STX8: variants seen among roughly 807,000 people sequenced by gnomAD.
STX8 encodes syntaxin 8, also known as syntaxin-8.
STX8 carries 23 observed loss-of-function variants against 37.5 expected under a neutral mutation model. The ratio of observed to expected loss-of-function variants is 0.61; its 90% CI spans 0.44 to 0.87. STX8 has a LOEUF of 0.87. Among genes scored for constraint, STX8 ranks in the 40% least tolerant of loss-of-function variants. STX8 has a pLI of 0.00. For missense variants in STX8, 313 were observed against 284.7 expected, an observed-to-expected ratio of 1.10 and a Z score of -0.71; for synonymous variants, 115 against 99.1, an observed-to-expected ratio of 1.16 and a Z score of -0.95.
intron 7 of STX8, among the ~76,000 whole-genome samples, chr17:9,279,824 A>G (rs1907815050): frequency 6.6e-6 from 1 of 152,244 alleles, no homozygotes; most frequent in Non-Finnish European, 1.5e-5. Context: ...TAATGAGAAC[A>G]CCTAACGTGG....
Position 9,297,281 on chromosome 17 carries a change from C to T in STX8, c.644-46636G>A, listed in dbSNP as rs117523213. Among the ~76,000 whole-genome samples, 100 of 151,838 alleles carry T rather than the reference C, an allele frequency of 6.6e-4. 2 individuals are homozygous for T. The East Asian group carries it at 0.018, about 27-fold the overall frequency. Reference sequence around the variant, plus strand: ...AAGAAAAAAAAAGAAAAAGTGAATCCTGCTCCTAATGTGGTTTAGTGAGTA... The same window carrying T: ...AAGAAAAAAAAAGAAAAAGTGAATCTTGCTCCTAATGTGGTTTAGTGAGTA... On this transcript the variant is annotated intron_variant, in intron 7 of 7. Transcript: ENST00000306357.
chr17:9,411,366 G>A (rs567093227), intron 6 of STX8, among the ~76,000 whole-genome samples: 2 of 152,294 alleles, frequency 1.3e-5, no homozygotes, highest in South Asian at 4.1e-4. Flanking sequence ...CTTGCAAAGT[G>A]TCTTATTTTT....
chr17:9,492,318 T>A lies in STX8; in HGVS notation c.449-397A>T, dbSNP rs539693157. On this transcript the variant is annotated intron_variant, in intron 5 of 7. Transcript: ENST00000306357. ...AGTTTTAACATCGCTACTAATTTTTTTAAAAATACAAATAAAAAACTACTT... is the reference window on the plus strand; with the variant it reads ...AGTTTTAACATCGCTACTAATTTTTATAAAAATACAAATAAAAAACTACTT... Among the ~76,000 whole-genome samples the A allele has an allele frequency of 7.0e-4, 107 of 152,276 alleles. 2 individuals are homozygous for A. Among genetic ancestry groups the A allele is most frequent in the Non-Finnish European group, 1.2e-4 (8 of 68,010 alleles).
intron 4 of STX8, among the ~76,000 whole-genome samples, chr17:9,538,923 C>T (rs1354642816): frequency 2.0e-5 from 3 of 151,840 alleles, no homozygotes; most frequent in Non-Finnish European, 2.9e-5. Flanking sequence ...GCAATGCTCT[C>T]GAATATAAAG....
chr17:9,438,957 A>C (rs573760646), intron 6 of STX8, among the ~76,000 whole-genome samples: 1 of 152,146 alleles, frequency 6.6e-6, no homozygotes, highest in South Asian at 2.1e-4. Context: ...AACAAAAAAA[A>C]CCATAGTCAA....
Position 9,545,239 on chromosome 17 carries a change from G to T in STX8, c.256C>A (p.Leu86Ile). The T allele has an allele frequency of 6.2e-6, 10 of 1,614,140 alleles. No individual in the cohort carries two copies. The highest frequency in any genetic ancestry group is 8.5e-6 in the Non-Finnish European group (10 of 1,180,024). Residue 86 changes from leucine (L) to isoleucine (I), a missense_variant, in exon 4 of 8, where the codon CTT becomes ATT. Transcript: ENST00000306357. The part of the protein sequence containing the change: ...GDRRQNLLDD[L>I]VTRERLLLAS... ...AGAAGTAGTCTCTCTCGAGTTACAA[G>T]ATCATCCAAGAGGTTCTGTCTTCGG...
Position 9,300,160 on chromosome 17 carries a change from C to T in STX8, c.644-49515G>A, listed in dbSNP as rs922406715. On this transcript the variant is annotated intron_variant, in intron 7 of 7. Coordinates refer to ENST00000306357, the MANE Select transcript of STX8 (RefSeq NM_004853.3). ...CAGCCTGACCAACATGGTGAAACCT[C>T]GTCTCTACTGAAAATACAAAATTAG... Among the ~76,000 whole-genome samples, 12 of 151,890 alleles carry T rather than the reference C, an allele frequency of 7.9e-5. No homozygotes were observed. The South Asian group carries it at 8.3e-4, about 11-fold the overall frequency.
At chr17:9,546,585 A>G (rs1336353742) in intron 3 of STX8, among the ~76,000 whole-genome samples, 2 of 93,818 alleles carry the variant, frequency 2.1e-5, no homozygotes, top group East Asian at 5.8e-4. Context: ...GCAAACTACA[A>G]AAGTGGTTTT....
chr17:9,470,870 G>C (rs1040569923), intron 6 of STX8, among the ~76,000 whole-genome samples: 7 of 148,068 alleles, frequency 4.7e-5, no homozygotes, highest in Non-Finnish European at 8.9e-5. Context: ...GGGACTACAG[G>C]TGCCCGCCAC....
chr17:9,299,470 G>A (rs1345272142), intron 7 of STX8, among the ~76,000 whole-genome samples: 1 of 131,854 alleles, frequency 7.6e-6, no homozygotes, highest in Non-Finnish European at 1.5e-5. Flanking sequence ...TGAGACAAGA[G>A]TCTCACTCTG....
intron 6 of STX8, among the ~76,000 whole-genome samples, chr17:9,435,809 G>A (rs1009742788): frequency 6.6e-6 from 1 of 152,040 alleles, no homozygotes; most frequent in Non-Finnish European, 1.5e-5. Flanking sequence ...TAACATATAT[G>A]TTAACTATCT....
intron 6 of STX8, among the ~76,000 whole-genome samples, chr17:9,485,063 A>T (rs2142462218): frequency 6.6e-6 from 1 of 152,294 alleles, no homozygotes; most frequent in Middle Eastern, 3.4e-3. Flanking sequence ...CTGAAGCAGG[A>T]AGACTGCTTA....
At chr17:9,528,530 G>C (rs532401184) in intron 4 of STX8, among the ~76,000 whole-genome samples, 1 of 152,084 alleles carries the variant, frequency 6.6e-6, no homozygotes, top group Admixed American at 6.6e-5. Flanking sequence ...GGCTGGTCTC[G>C]ATCTCCTGAC....
chr17:9,478,018 T>C (rs1342325894), intron 6 of STX8, among the ~76,000 whole-genome samples: 1 of 152,222 alleles, frequency 6.6e-6, no homozygotes, highest in African/African-American at 2.4e-5. Context: ...ATATGTGGTT[T>C]GGTTATCTCT....
At chr17:9,357,355 C>A (rs1910918345) in intron 7 of STX8, among the ~76,000 whole-genome samples, 1 of 152,014 alleles carries the variant, frequency 6.6e-6, no homozygotes, top group South Asian at 2.1e-4. Context: ...TGATTGGCTC[C>A]CAACTGACGG....
chr17:9,388,449 C>G (rs1362717176), intron 6 of STX8, among the ~76,000 whole-genome samples: 1 of 151,858 alleles, frequency 6.6e-6, no homozygotes, highest in Non-Finnish European at 1.5e-5. Context: ...TAAACATTAT[C>G]CAAATACCCC....
rs531887032 is a variant in STX8, at chr17:9,570,482, T to C, written c.18-2012A>G. On this transcript the variant is annotated intron_variant, in intron 1 of 7. Transcript: ENST00000306357. ...CATATATTCATATATATCACATACC[T>C]ATCGTTTATATCATATATACTATAT... Among the ~76,000 whole-genome samples, 89 of 152,152 alleles carry C rather than the reference T, an allele frequency of 5.8e-4. 1 individual carries two copies. The highest frequency in any genetic ancestry group is 2.0e-3 in the African/African-American group (82 of 41,526).
At chr17:9,324,167 C>T (rs1310501751) in intron 7 of STX8, among the ~76,000 whole-genome samples, 1 of 151,968 alleles carries the variant, frequency 6.6e-6, no homozygotes, top group Non-Finnish European at 1.5e-5. Flanking sequence ...AACACAAACA[C>T]ACACTCCAGT....
intron 6 of STX8, among the ~76,000 whole-genome samples, chr17:9,396,166 C>T (rs1912394828): frequency 1.3e-5 from 2 of 152,152 alleles, no homozygotes; most frequent in South Asian, 4.1e-4. Context: ...ATAATGTGCT[C>T]AGCTCTGAAT....
Sources: allele counts gnomAD v4.1 joint callset (sites outside exome capture counted in the v4.1 genomes callset), GRCh38; gene constraint gnomAD v4.1.1; transcripts MANE v1.5; gene names NCBI Gene and HGNC (gene_info 2026-07-23, HGNC 2026-07-21).